The following IL33 variants were observed in gnomAD, a reference collection of about 807,000 sequenced individuals.
IL33 encodes interleukin-33.
A neutral mutation model predicts 27.3 loss-of-function variants in IL33; 37 were observed. The ratio of observed to expected loss-of-function variants is 1.36; its 90% CI spans 1.04 to 1.78. The LOEUF is 1.78. IL33 is among the 40% of genes most tolerant of loss of function. The pLI is 0.00. For missense variants in IL33, 406 were observed against 311.4 expected (o/e 1.30, Z -2.29); for synonymous variants, 132 against 102.9 (o/e 1.28, Z -1.71).
intron 6 of IL33, 70 bp downstream of exon 6, chr9:6,253,672 A>C (rs1816550419): frequency 4.0e-6 from 5 of 1,257,420 alleles, no homozygotes; most frequent in Non-Finnish European, 5.7e-6. Context: ...ATCCAAAAAA[A>C]TCCTTTTTGC....
In IL33 at chr9:6,257,344, GC is replaced by G. The variant is rs1455814059; in HGVS notation, c.*1179del. The G allele has an allele frequency of 6.6e-6, 1 of 152,296 alleles. No individual in the cohort carries two copies. Among genetic ancestry groups the G allele is most frequent in the African/African-American group, 2.4e-5 (1 of 41,382 alleles). The allele number at this position is 152,296 out of a possible 1,614,324, so 9.4% of individuals were successfully genotyped here. A position where few individuals can be genotyped will look rare whatever the true frequency, so the allele number is the denominator to read the frequency against. ...TCTTTTCATTTCTTTTAACTACCAT[GC>G]CCTTGATATATCTTTTGCACCTGCT... is the stretch of plus-strand genomic sequence containing the variant. On this transcript the variant is annotated 3_prime_UTR_variant, in exon 8 of 8. Transcript: ENST00000682010.
intron 1 of IL33, among the ~76,000 whole-genome samples, chr9:6,235,066 A>T (rs983629384): frequency 2.0e-4 from 31 of 152,266 alleles, no homozygotes; most frequent in African/African-American, 7.5e-4. Flanking sequence ...TTTTGGTGAC[A>T]AGAGTCTCAC....
chr9:6,241,636 G>C (rs569077944), intron 1 of IL33, 48 bp from the exon 2 acceptor site: 8 of 1,173,154 alleles, frequency 6.8e-6, no homozygotes, highest in Middle Eastern at 2.5e-4. Context: ...GTTTCCGTTT[G>C]TTTTTAAGTT....
chr9:6,224,978 G>A (rs541658311), intron 1 of IL33, among the ~76,000 whole-genome samples: 2 of 152,126 alleles, frequency 1.3e-5, no homozygotes, highest in South Asian at 4.2e-4. Context: ...TTTCCCCTGT[G>A]TATTTCTCAG....
intron 4 of IL33, among the ~76,000 whole-genome samples, chr9:6,252,396 G>GTC (rs1378157738): frequency 6.6e-6 from 1 of 152,114 alleles, no homozygotes; most frequent in Non-Finnish European, 1.5e-5. Flanking sequence ...TGCACTAAGT[G>GTC]TCCCTGTTAT....
chr9:6,230,683 C>A (rs892720677), intron 1 of IL33, among the ~76,000 whole-genome samples: 16 of 152,202 alleles, frequency 1.1e-4, no homozygotes, highest in African/African-American at 3.9e-4. Flanking sequence ...TCTTCTTCCA[C>A]TGATTCCACT....
intron 7 of IL33, among the ~76,000 whole-genome samples, chr9:6,255,533 C>T (rs1816675130): frequency 6.6e-6 from 1 of 151,968 alleles, no homozygotes; most frequent in South Asian, 2.1e-4. Flanking sequence ...ACAAACCATC[C>T]CAAAACTTAG....
intron 1 of IL33, among the ~76,000 whole-genome samples, chr9:6,222,503 G>A (rs1426756138): frequency 2.0e-5 from 3 of 152,148 alleles, no homozygotes; most frequent in Admixed American, 2.0e-4. Flanking sequence ...TATATTACAT[G>A]CTTTACAAAA....
chr9:6,229,651 A>G (rs1322598838), intron 1 of IL33, among the ~76,000 whole-genome samples: 1 of 152,208 alleles, frequency 6.6e-6, no homozygotes, highest in Non-Finnish European at 1.5e-5. Flanking sequence ...CTAGTGGATG[A>G]TGCCTGCCTT....
chr9:6,252,920 C>A lies in IL33; in HGVS notation c.398C>A (p.Ser133Tyr). Residue 133 changes from serine to tyrosine, a missense_variant, in exon 5 of 8, where the codon TCC (serine) becomes TAC (tyrosine). By Grantham distance (144) the Ser-to-Tyr change is moderately radical. Coordinates refer to ENST00000682010, the MANE Select transcript of IL33 (RefSeq NM_033439.4). The part of the protein sequence containing the change: ...LASLSTYNDQ[S>Y]ITFALEDESY... ...TCTCTAAGCACATACAATGATCAAT[C>A]CATTACTTTTGCTTTGGAGGATGAA... is the stretch of plus-strand genomic sequence containing the variant. 6.2e-7 allele frequency: 1 copy of A among 1,603,584 alleles called. No individual in the cohort carries two copies. Among genetic ancestry groups the A allele is most frequent in the Non-Finnish European group, 8.5e-7 (1 of 1,171,866 alleles).
At chr9:6,252,465 T>G (rs774048240) in intron 4 of IL33, among the ~76,000 whole-genome samples, 20 of 152,356 alleles carry the variant, frequency 1.3e-4, no homozygotes, top group Middle Eastern at 3.4e-3. Context: ...CAGAAACTTC[T>G]GGGTAACTCC....
intron 2 of IL33, among the ~76,000 whole-genome samples, chr9:6,248,347 T>A (rs1302757960): frequency 6.8e-6 from 1 of 146,308 alleles, no homozygotes; most frequent in Admixed American, 7.1e-5. Context: ...GTCGGATCTT[T>A]AAGATGTAAT....
At chr9:6,230,300 T>G (rs1360897001) in intron 1 of IL33, among the ~76,000 whole-genome samples, 1 of 152,168 alleles carries the variant, frequency 6.6e-6, no homozygotes, top group African/African-American at 2.4e-5. Context: ...ACTAGGTATC[T>G]TTATAGAGTA....
At chr9:6,221,666 A>C (rs1469028862) in intron 1 of IL33, among the ~76,000 whole-genome samples, 1 of 152,226 alleles carries the variant, frequency 6.6e-6, no homozygotes, top group Non-Finnish European at 1.5e-5. Flanking sequence ...ATCTGGGTTT[A>C]GACCCGTTGG....
chr9:6,250,826 CTA>C (rs1399240903), intron 3 of IL33, among the ~76,000 whole-genome samples: 25 of 152,032 alleles, frequency 1.6e-4, no homozygotes, highest in South Asian at 2.1e-4. Flanking sequence ...AGATACATAA[CTA>C]TGTGTAAATA....
intron 1 of IL33, among the ~76,000 whole-genome samples, chr9:6,216,195 A>C (rs1564041093): frequency 6.6e-6 from 1 of 152,156 alleles, no homozygotes; most frequent in Non-Finnish European, 1.5e-5. Flanking sequence ...CAGTGGCGTG[A>C]TCCTAGCTCA....
chr9:6,236,622 C>G (rs970630669), intron 1 of IL33, among the ~76,000 whole-genome samples: 5 of 152,210 alleles, frequency 3.3e-5, no homozygotes, highest in Admixed American at 6.5e-5. Context: ...AATCCCAGCA[C>G]TTTGGGAGGC....
At position 6,251,115 on chromosome 9, in the gene IL33, A is replaced by AT. The variant is rs560173516; in HGVS notation, c.218-24dup. 2.2e-4 allele frequency: 362 copies of AT among 1,611,056 alleles called. 1 individual carries two copies. In the African/African-American group the frequency reaches 4.4e-3, roughly 20 times the overall value. On this transcript the variant is annotated intron_variant, in intron 3 of 7. Transcript: ENST00000682010. ...TGTGCAGAGTGGGGATTGATGGTCT[A>AT]TCCCTAATCCCATCCGGTCTGCAGG...
intron 1 of IL33, among the ~76,000 whole-genome samples, chr9:6,239,798 C>A (rs1307315272): frequency 1.3e-5 from 2 of 152,108 alleles, no homozygotes; most frequent in African/African-American, 4.8e-5. Context: ...ATTCAACTAG[C>A]CTCACTAGTT....
Sources: allele counts gnomAD v4.1 joint callset (sites outside exome capture counted in the v4.1 genomes callset), GRCh38; gene constraint gnomAD v4.1.1; transcripts MANE v1.5; gene names NCBI Gene and HGNC (gene_info 2026-07-23, HGNC 2026-07-21).